The following ANXA8 variants were observed in gnomAD, a reference collection of about 807,000 sequenced individuals.
The protein encoded by ANXA8 is VAC-beta.
In ANXA8, 9 loss-of-function variants were observed where a neutral mutation model predicts 26.8. The observed-to-expected ratio is 0.34, with a 90% confidence interval of 0.20 to 0.59. The LOEUF (loss-of-function observed/expected upper bound fraction) is 0.59. Ranked by LOEUF, ANXA8 falls within the 20% of genes least tolerant of loss-of-function variation. ANXA8 has a pLI of 0.84. For synonymous variants in ANXA8, 39 were observed against 94.8 expected (o/e 0.41, Z 3.42); for missense variants, 83 against 238.5 (o/e 0.35, Z 4.29).
At chr10:47,940,888 AAGAGAGAAAGAGAGGGAGAG>A in the ANXA8 span, among the ~76,000 whole-genome samples, 1 of 143,036 alleles carries the variant, frequency 7.0e-6, no homozygotes, top group African/African-American at 2.7e-5. Context: ...GCTCAATAAA[AAGAGAGAAAGAGAGGGAGAG>A]AGAGAGAAAG....
the ANXA8 span, among the ~76,000 whole-genome samples, chr10:47,940,293 G>GC: frequency 6.9e-6 from 1 of 144,538 alleles, no homozygotes; most frequent in Non-Finnish European, 1.5e-5. Flanking sequence ...CCAGAATAAT[G>GC]CCCCCTGAGA....
chr10:47,576,455 CTTTTTTTTTT>C, the ANXA8 span, among the ~76,000 whole-genome samples: 1 of 74,172 alleles, frequency 1.3e-5, no homozygotes, highest in Non-Finnish European at 2.9e-5. Context: ...ACATCCCTAT[CTTTTTTTTTT>C]TTTTTTTTTG....
At chr10:47,703,750 GA>G in the ANXA8 span, among the ~76,000 whole-genome samples, 1 of 149,202 alleles carries the variant, frequency 6.7e-6, no homozygotes, top group South Asian at 2.1e-4. Flanking sequence ...TTACTAGAGG[GA>G]AAATAATAAA....
the ANXA8 span, among the ~76,000 whole-genome samples, chr10:47,941,225 A>G: frequency 6.8e-6 from 1 of 146,574 alleles, no homozygotes; most frequent in South Asian, 2.2e-4. Flanking sequence ...TTTAAGAAAC[A>G]CAGTTCAGGT....
chr10:47,484,589 C>A, upstream of ANXA8: 1 of 1,182,216 alleles, frequency 8.5e-7, no homozygotes, highest in Non-Finnish European at 1.2e-6. Context: ...CTCCATCACC[C>A]CCCAGGCTGA....
chr10:47,688,413 C>A, the ANXA8 span, among the ~76,000 whole-genome samples: 812 of 149,740 alleles, frequency 5.4e-3, 9 homozygotes, highest in African/African-American at 0.018. Flanking sequence ...CCATGGCTGG[C>A]CAAAAATGAG....
chr10:47,975,425 T>C, the ANXA8 span, among the ~76,000 whole-genome samples: 1 of 148,032 alleles, frequency 6.8e-6, no homozygotes, highest in Non-Finnish European at 1.5e-5. Flanking sequence ...CCTCAAGTTG[T>C]TATCAGTATA....
the ANXA8 span, among the ~76,000 whole-genome samples, chr10:47,613,688 G>A: frequency 2.8e-5 from 2 of 72,354 alleles, no homozygotes; most frequent in African/African-American, 4.0e-5. Flanking sequence ...GATTCGTTTC[G>A]TGGAAGACAA....
rs1839957827 is a variant in ANXA8 at position 47,484,044 on chromosome 10, C to T, written c.-111G>A. The stretch of plus-strand genomic sequence containing the variant: ...AGCTGAGGAGTGAGCAGGCCGCTCA[C>T]TTGGGTGTGGGGGTGCAAGCCCGCC... On this transcript the variant is annotated 5_prime_UTR_variant, in exon 1 of 12. The change creates a new upstream start codon in the 5' untranslated region. Coordinates refer to ENST00000585281, the MANE Select transcript of ANXA8 (RefSeq NM_001040084.3). 4 of 1,611,288 alleles carry T rather than the reference C, an allele frequency of 2.5e-6. No individual in the cohort carries two copies. Among genetic ancestry groups the T allele is most frequent in the Non-Finnish European group, 2.5e-6 (3 of 1,179,586 alleles).
At chr10:47,651,676 C>A in the ANXA8 span, among the ~76,000 whole-genome samples, 3 of 150,454 alleles carry the variant, frequency 2.0e-5, no homozygotes, top group African/African-American at 7.4e-5. Flanking sequence ...AGGTGGATCA[C>A]CTGAGGTTGG....
chr10:47,771,607 C>T, the ANXA8 span, among the ~76,000 whole-genome samples: 3 of 151,432 alleles, frequency 2.0e-5, no homozygotes, highest in African/African-American at 7.3e-5. Flanking sequence ...GATGGAGTTT[C>T]GCTCTTGTTG....
the ANXA8 span, among the ~76,000 whole-genome samples, chr10:47,677,318 G>A: frequency 6.6e-6 from 1 of 152,086 alleles, no homozygotes; most frequent in African/African-American, 2.4e-5. Flanking sequence ...CACAAACAGG[G>A]ATACCATAAA....
At chr10:47,959,117 A>G in the ANXA8 span, among the ~76,000 whole-genome samples, 11 of 145,506 alleles carry the variant, frequency 7.6e-5, no homozygotes, top group African/African-American at 3.0e-4. Flanking sequence ...GCTGGGAGGT[A>G]GGTGGCCTTG....
chr10:47,633,789 C>A, the ANXA8 span, among the ~76,000 whole-genome samples: 3 of 150,168 alleles, frequency 2.0e-5, no homozygotes, highest in South Asian at 6.2e-4. Flanking sequence ...TAGATTTATA[C>A]CTAACAAGAT....
At chr10:47,490,167 C>A in the ANXA8 span, 3 of 184,938 alleles carry the variant, frequency 1.6e-5, no homozygotes, top group Non-Finnish European at 3.4e-5. Flanking sequence ...TCTCTCAAAG[C>A]AATTCCTCCA....
chr10:47,699,341 C>A, the ANXA8 span, among the ~76,000 whole-genome samples: 2 of 94,190 alleles, frequency 2.1e-5, no homozygotes, highest in East Asian at 3.7e-4. Flanking sequence ...GAGATTCTGT[C>A]TCCAAAAAAA....
Position 47,483,909 on chromosome 10 carries a change from T to G in ANXA8, c.21+4A>C. On this transcript the variant is annotated splice_donor_region_variant and intron_variant, in intron 1 of 11. Coordinates refer to ENST00000585281, the MANE Select transcript of ANXA8 (RefSeq NM_001040084.3). ...ACCCAAATCTCCTGCCAGCTCCCACTTACCCAGGATTTCCACCAGGCCATC... is the reference window on the plus strand; with the variant it reads ...ACCCAAATCTCCTGCCAGCTCCCACGTACCCAGGATTTCCACCAGGCCATC... 1 of 1,611,690 alleles carries G rather than the reference T, an allele frequency of 6.2e-7. No individual in the cohort carries two copies. The highest frequency in any genetic ancestry group is 8.5e-7 in the Non-Finnish European group (1 of 1,179,840).
the ANXA8 span, among the ~76,000 whole-genome samples, chr10:47,706,990 T>G: frequency 7.0e-6 from 1 of 142,972 alleles, no homozygotes; most frequent in Admixed American, 7.1e-5. Flanking sequence ...ATTGTGTTTC[T>G]TAATATTATG....
the ANXA8 span, among the ~76,000 whole-genome samples, chr10:47,571,011 T>A: frequency 1.3e-5 from 2 of 150,560 alleles, no homozygotes; most frequent in African/African-American, 5.0e-5. Flanking sequence ...GAGTGAACTA[T>A]CTCACTCACA....
Sources: gnomAD v4.1 joint callset for allele counts (sites outside exome capture counted in the v4.1 genomes callset) on GRCh38, gnomAD v4.1.1 for gene constraint, MANE v1.5 for transcripts, NCBI Gene and HGNC (gene_info 2026-07-23, HGNC 2026-07-21) for gene names.